The following PFKFB3 variants were observed in gnomAD, a reference collection of about 807,000 sequenced individuals.
The protein encoded by PFKFB3 is 6-phosphofructo-2-kinase/fructose-2,6-bisphosphatase 3.
A neutral mutation model predicts 68.0 loss-of-function variants in PFKFB3; 33 were observed. The ratio of observed to expected loss-of-function variants is 0.49; its 90% confidence interval spans 0.37 to 0.65. The LOEUF (loss-of-function observed/expected upper bound fraction) is 0.65, where lower values mean the gene tolerates loss of function less well. PFKFB3 is among the 30% of genes least tolerant of loss of function. The pLI is 0.00. For synonymous variants in PFKFB3, 315 were observed against 288.2 expected (o/e 1.09, Z -0.94); for missense variants, 586 against 712.2 (o/e 0.82, Z 2.02).
intron 1 of PFKFB3, among the ~76,000 whole-genome samples, chr10:6,210,581 A>ATCTCCTGACC (rs1564623698): frequency 3.2e-4 from 17 of 52,510 alleles, no homozygotes; most frequent in African/African-American, 4.2e-4. Context: ...GATAGTCTTG[A>ATCTCCTGACC]TAGTGTTTTT....
At chr10:6,247,793 A>G (rs935487328) in intron 14 of PFKFB3, among the ~76,000 whole-genome samples, 4 of 152,262 alleles carry the variant, frequency 2.6e-5, no homozygotes, top group African/African-American at 9.6e-5. Context: ...ATAAATCAAT[A>G]GTCTCAAAGA....
chr10:6,239,459 T>A (rs150082333), downstream of PFKFB3, among the ~76,000 whole-genome samples: 6 of 152,282 alleles, frequency 3.9e-5, no homozygotes, highest in Non-Finnish European at 8.8e-5. Flanking sequence ...TTGAGTCGCA[T>A]ATTAATTAGC....
At chr10:6,262,643 C>T in the PFKFB3 span, among the ~76,000 whole-genome samples, 1 of 152,024 alleles carries the variant, frequency 6.6e-6, no homozygotes, top group Non-Finnish European at 1.5e-5. Flanking sequence ...ACAGAAATCA[C>T]ACTATAAATT....
In PFKFB3 at chr10:6,219,700, C is replaced by G. The variant is rs1238744130; in HGVS notation, c.623+7C>G. 1 of 1,612,900 alleles carries G rather than the reference C, an allele frequency of 6.2e-7. No homozygotes were observed. The highest frequency in any genetic ancestry group is 1.7e-5 in the Admixed American group (1 of 60,002). On this transcript the variant is annotated splice_region_variant and intron_variant, in intron 7 of 14. Coordinates refer to ENST00000379775, the MANE Select transcript of PFKFB3 (RefSeq NM_004566.4). ...ACCCCGACAAATGCGACAGGTGATT[C>G]CCGTGGCTGGCCGTCTCTGCAAGAC...
chr10:6,228,187 C>T lies in PFKFB3; in HGVS notation c.1515+1822C>T, dbSNP rs762693976. 1.9e-5 allele frequency: 31 copies of T among 1,612,642 alleles called. No individual in the cohort carries two copies. The highest frequency in any genetic ancestry group is 2.6e-5 in the Non-Finnish European group (31 of 1,179,844). On this transcript the variant is annotated intron_variant, in intron 14 of 14. Transcript: ENST00000379775. This position sits in a 1 kb window ranked among gnomAD's most constrained non-coding sequence, Gnocchi z 4.5. The stretch of plus-strand genomic sequence containing the variant: ...CTGACTGACTTCTCTCTCTGCTTCT[C>T]CTCCGCAGCCTTTGCTAGGGCAAGC...
rs1224952260 is a variant in PFKFB3, at chr10:6,215,814, G to A, written c.300-311G>A. On this transcript the variant is annotated intron_variant, in intron 3 of 14. Coordinates refer to ENST00000379775, the MANE Select transcript of PFKFB3 (RefSeq NM_004566.4). The surrounding 1 kb of genome is among the most constrained non-coding windows in gnomAD (Gnocchi z 4.3). ...GGGATGCTAAAATCCCTGATGCCAGGCCCCACCCCAGACCAGTTAGTGCAA... is the reference window on the plus strand; with the variant it reads ...GGGATGCTAAAATCCCTGATGCCAGACCCCACCCCAGACCAGTTAGTGCAA... 1.3e-5 allele frequency among the ~76,000 whole-genome samples: 2 copies of A among 152,176 alleles called. No individual in the cohort carries two copies. Among genetic ancestry groups the A allele is most frequent in the Non-Finnish European group, 1.5e-5 (1 of 68,024 alleles).
chr10:6,228,000 C>T (rs543514824), intron 14 of PFKFB3, among the ~76,000 whole-genome samples: 13 of 152,250 alleles, frequency 8.5e-5, no homozygotes, highest in East Asian at 3.9e-4. Context: ...TCGTGGAGGA[C>T]GCAGTGGCAG....
At chr10:6,262,467 A>AT in the PFKFB3 span, among the ~76,000 whole-genome samples, 3 of 147,324 alleles carry the variant, frequency 2.0e-5, no homozygotes, top group African/African-American at 7.4e-5. Flanking sequence ...AAAAAAAAAA[A>AT]AAAAAAAAAA....
intron 1 of PFKFB3, among the ~76,000 whole-genome samples, chr10:6,145,963 G>A (rs1257391888): frequency 6.6e-6 from 1 of 152,246 alleles, no homozygotes; most frequent in Non-Finnish European, 1.5e-5. Flanking sequence ...AGAGAAGTGG[G>A]AGCTGCAGAA....
intron 1 of PFKFB3, among the ~76,000 whole-genome samples, chr10:6,151,039 A>C (rs1414107446): frequency 6.6e-6 from 1 of 152,190 alleles, no homozygotes; most frequent in Admixed American, 6.5e-5. Context: ...CCTATCATTC[A>C]TGACGGCAGG....
rs1215968447 is a variant in PFKFB3, at chr10:6,221,530, G to A, written c.978+3G>A. The A allele has an allele frequency of 6.2e-7, 1 of 1,612,868 alleles. No homozygotes were observed. The highest frequency in any genetic ancestry group is 8.5e-7 in the Non-Finnish European group (1 of 1,179,732). ...AGGCGCTCAATGAGATCGACGCGGT[G>A]AGTCCTGGGAGGCGGGCAGGCAGCC... On this transcript the variant is annotated splice_donor_region_variant and intron_variant, in intron 9 of 14. Transcript: ENST00000379775.
chr10:6,219,200 C>T (rs1009017892), intron 6 of PFKFB3, among the ~76,000 whole-genome samples: 23 of 152,368 alleles, frequency 1.5e-4, no homozygotes, highest in African/African-American at 3.8e-4. Context: ...CCTCCCGGCA[C>T]GGGGAGCATT....
At chr10:6,285,461 G>T in the PFKFB3 span, among the ~76,000 whole-genome samples, 2 of 152,116 alleles carry the variant, frequency 1.3e-5, no homozygotes, top group African/African-American at 4.8e-5. Context: ...TCAAACTCCT[G>T]CCCTCAAGTG....
intron 1 of PFKFB3, among the ~76,000 whole-genome samples, chr10:6,212,182 T>C (rs1425448305): frequency 2.0e-5 from 3 of 152,224 alleles, no homozygotes; most frequent in Non-Finnish European, 4.4e-5. Context: ...TGCTGGGCCG[T>C]GCCGCCCAGG....
chr10:6,274,114 C>T, the PFKFB3 span, among the ~76,000 whole-genome samples: 30 of 151,990 alleles, frequency 2.0e-4, no homozygotes, highest in African/African-American at 7.0e-4. Flanking sequence ...AGGGGAAGAC[C>T]GCTTGAGCCC....
rs1845490746 is a variant in PFKFB3 at position 6,228,264 on chromosome 10, C to T, written c.1515+1899C>T. The T allele has an allele frequency of 1.2e-6, 2 of 1,609,706 alleles. No homozygotes were observed. Among genetic ancestry groups the T allele is most frequent in the South Asian group, 1.1e-5 (1 of 91,026 alleles). On this transcript the variant is annotated intron_variant, in intron 14 of 14. Transcript: ENST00000379775. This position sits in a 1 kb window ranked among gnomAD's most constrained non-coding sequence, Gnocchi z 4.5. ...CGCTGCTGCTTGCACTGCTTTCTTC[C>T]TGCTTGCTCATTTGGCCTCCTGCCT... is the stretch of plus-strand genomic sequence containing the variant.
Position 6,222,941 on chromosome 10 carries a change from C to G in PFKFB3, c.1170C>G (p.Ala390=). 1 of 1,613,798 alleles carries G rather than the reference C, an allele frequency of 6.2e-7. No homozygotes were observed. Among genetic ancestry groups the G allele is most frequent in the Non-Finnish European group, 8.5e-7 (1 of 1,179,886 alleles). ...QENVLVICHQ[A]VLRCLLAYFL... is the part of the protein sequence containing the mutation. ...ATGTGCTGGTCATCTGCCACCAGGC[C>G]GTCCTGCGCTGCCTGCTTGCCTACT... Residue 390 remains alanine, a synonymous_variant, in exon 11 of 15, where the codon GCC becomes GCG. Coordinates refer to ENST00000379775, the MANE Select transcript of PFKFB3 (RefSeq NM_004566.4).
chr10:6,269,237 T>TC, the PFKFB3 span, among the ~76,000 whole-genome samples: 2 of 151,724 alleles, frequency 1.3e-5, no homozygotes, highest in Non-Finnish European at 2.9e-5. Flanking sequence ...TTTTTTTTTT[T>TC]CAGCTGTTAG....
the PFKFB3 span, among the ~76,000 whole-genome samples, chr10:6,270,118 G>A: frequency 8.5e-5 from 13 of 152,172 alleles, no homozygotes; most frequent in Admixed American, 7.2e-4. Flanking sequence ...GGCAACAAGA[G>A]CAAAAACTCC....
Sources: gnomAD v4.1 joint callset for allele counts (sites outside exome capture counted in the v4.1 genomes callset) on GRCh38, gnomAD v4.1.1 for gene constraint, Gnocchi (gnomAD v3.1) non-coding constraint, MANE v1.5 for transcripts, NCBI Gene and HGNC (gene_info 2026-07-23, HGNC 2026-07-21) for gene names.